Variants in DSE observed in about 807,000 individuals in gnomAD.
The protein encoded by DSE is dermatan sulfate epimerase, also known as dermatan-sulfate epimerase.
DSE carries 36 observed loss-of-function variants against 84.4 expected under a neutral mutation model. The ratio of observed to expected loss-of-function variants is 0.43; its 90% CI spans 0.33 to 0.56. DSE has a LOEUF of 0.56. Ranked by LOEUF, DSE falls within the 20% of genes least tolerant of loss-of-function variation. The pLI is 0.06. For synonymous variants in DSE, 410 were observed against 430.1 expected, an observed-to-expected ratio of 0.95 and a Z score of 0.58; for missense variants, 862 against 1,169.6, an observed-to-expected ratio of 0.74 and a Z score of 3.84.
chr6:116,274,412 A>T lies in DSE; in HGVS notation c.-54+15445A>T, dbSNP rs570282668. Among the ~76,000 whole-genome samples, 37 of 151,930 alleles carry T rather than the reference A, an allele frequency of 2.4e-4. No homozygotes were observed. In the South Asian group the frequency reaches 7.7e-3, roughly 32 times the overall value. On this transcript the variant is annotated intron_variant, in intron 2 of 3. Transcript: ENST00000430252. ...CCCCATCTCTCTACCAAAAACACAA[A>T]ATTAGCCGGGCGTGGTGGCGCATGC...
At chr6:116,341,379 C>A (rs1777582628) in intron 2 of DSE, among the ~76,000 whole-genome samples, 1 of 152,090 alleles carries the variant, frequency 6.6e-6, no homozygotes, top group Non-Finnish European at 1.5e-5. Context: ...TGGATATTAG[C>A]CCTTGTCAGA....
At chr6:116,421,646 A>C (rs975503339) in intron 2 of DSE, among the ~76,000 whole-genome samples, 1 of 151,242 alleles carries the variant, frequency 6.6e-6, no homozygotes, top group Non-Finnish European at 1.5e-5. Flanking sequence ...TAATTTTTAA[A>C]AAATTATTTT....
At chr6:116,352,857 G>C (rs554355892) in intron 2 of DSE, among the ~76,000 whole-genome samples, 2 of 152,108 alleles carry the variant, frequency 1.3e-5, no homozygotes, top group African/African-American at 2.4e-5. Context: ...CCCACCCCAC[G>C]TACATGCCCC....
intron 2 of DSE, among the ~76,000 whole-genome samples, chr6:116,363,496 C>G (rs1373182679): frequency 6.6e-6 from 1 of 151,896 alleles, no homozygotes; most frequent in African/African-American, 2.4e-5. Context: ...TGTATAATAA[C>G]AGGAAATTCA....
At chr6:116,283,922 A>G (rs1243761935) in intron 2 of DSE, among the ~76,000 whole-genome samples, 1 of 152,228 alleles carries the variant, frequency 6.6e-6, no homozygotes, top group Non-Finnish European at 1.5e-5. Context: ...ACAACAGTGT[A>G]TCTGTACTGG....
At chr6:116,278,109 G>C (rs1017135429) in intron 2 of DSE, 1 of 253,410 alleles carries the variant, frequency 3.9e-6, no homozygotes, top group Non-Finnish European at 7.9e-6. Context: ...CAGGGCATGT[G>C]CCCATACTGC....
At chr6:116,342,866 G>A (rs894857275) in intron 2 of DSE, among the ~76,000 whole-genome samples, 11 of 152,246 alleles carry the variant, frequency 7.2e-5, no homozygotes, top group South Asian at 2.1e-4. Context: ...CCTGGGAAGC[G>A]CAAGGGGTCA....
intron 1 of DSE, among the ~76,000 whole-genome samples, chr6:116,388,736 A>G (rs1247052686): frequency 1.3e-5 from 2 of 152,172 alleles, no homozygotes; most frequent in East Asian, 1.9e-4. Flanking sequence ...TTCTGCATTT[A>G]GGATTTTTTG....
chr6:116,378,263 C>A (rs925297183), intron 1 of DSE, among the ~76,000 whole-genome samples: 1 of 152,128 alleles, frequency 6.6e-6, no homozygotes, highest in Non-Finnish European at 1.5e-5. Context: ...CCTTTGAATT[C>A]TTTTCTGTTT....
intron 2 of DSE, among the ~76,000 whole-genome samples, chr6:116,424,962 A>G (rs1354630826): frequency 6.6e-6 from 1 of 152,202 alleles, no homozygotes; most frequent in Non-Finnish European, 1.5e-5. Flanking sequence ...CTGAAATCCA[A>G]CATTTCTTCC....
At chr6:116,372,807 T>G (rs1779686823) in intron 1 of DSE, among the ~76,000 whole-genome samples, 1 of 152,210 alleles carries the variant, frequency 6.6e-6, no homozygotes, top group South Asian at 2.1e-4. Context: ...TAGTGCTGGT[T>G]ACCTAGGTTA....
intron 2 of DSE, among the ~76,000 whole-genome samples, chr6:116,287,327 A>G (rs1300565934): frequency 2.0e-5 from 3 of 152,056 alleles, no homozygotes; most frequent in Non-Finnish European, 4.4e-5. Flanking sequence ...TTAACAATTT[A>G]TTTTGCTTTT....
chr6:116,405,285 G>A (rs1386976780), intron 2 of DSE, among the ~76,000 whole-genome samples: 2 of 152,120 alleles, frequency 1.3e-5, no homozygotes, highest in African/African-American at 2.4e-5. Flanking sequence ...ATCAAAAGCC[G>A]GGAGAATGTA....
At position 116,421,423 on chromosome 6, in the gene DSE, GA is replaced by G. The variant is rs1297809416; in HGVS notation, c.417-5145del. On this transcript the variant is annotated intron_variant, in intron 2 of 5. Transcript: ENST00000644252. Reference sequence around the variant, plus strand: ...TCATATTAACATAAACATATTTTAGGAAAAAATAACTATATATACATATATA... The same window carrying G: ...TCATATTAACATAAACATATTTTAGGAAAAATAACTATATATACATATATA... Among the ~76,000 whole-genome samples, 4 of 117,900 alleles carry G rather than the reference GA, an allele frequency of 3.4e-5. No homozygotes were observed. The South Asian group carries it at 1.1e-3, about 33-fold the overall frequency. The allele number at this position is 117,900 out of a possible 152,430, so 77.3% of individuals were successfully genotyped here.
At chr6:116,337,070 T>A (rs1179279800) in intron 2 of DSE, among the ~76,000 whole-genome samples, 1 of 152,196 alleles carries the variant, frequency 6.6e-6, no homozygotes, top group Non-Finnish European at 1.5e-5. Flanking sequence ...GAGCTGTAAG[T>A]ACATTTTACT....
At chr6:116,339,970 T>C (rs1036956261) in intron 2 of DSE, among the ~76,000 whole-genome samples, 20 of 152,114 alleles carry the variant, frequency 1.3e-4, no homozygotes, top group Non-Finnish European at 2.8e-4. Context: ...GAGTGTGGAG[T>C]ATACAAAGAT....
chr6:116,287,442 G>T (rs1190012808), intron 2 of DSE, among the ~76,000 whole-genome samples: 1 of 151,928 alleles, frequency 6.6e-6, no homozygotes, highest in African/African-American at 2.4e-5. Flanking sequence ...AATGCATCAT[G>T]TCATAGTTTA....
chr6:116,398,280 T>A (rs951912921), intron 1 of DSE, among the ~76,000 whole-genome samples: 1 of 152,200 alleles, frequency 6.6e-6, no homozygotes, highest in African/African-American at 2.4e-5. Flanking sequence ...TTTCTACATT[T>A]GAAAGATGTT....
At chr6:116,390,774 G>A (rs1029060470) in intron 1 of DSE, among the ~76,000 whole-genome samples, 3 of 152,080 alleles carry the variant, frequency 2.0e-5, no homozygotes, top group African/African-American at 7.2e-5. Context: ...CCTTCTGTAA[G>A]CAAAATTAGA....
Sources: allele counts gnomAD v4.1 joint callset (sites outside exome capture counted in the v4.1 genomes callset), GRCh38; gene constraint gnomAD v4.1.1; transcripts MANE v1.5; gene names NCBI Gene and HGNC (gene_info 2026-07-23, HGNC 2026-07-21).